The following SEMA5A variants were observed in gnomAD, a reference collection of about 807,000 sequenced individuals.
SEMA5A encodes the protein semaphorin-5A.
Under a neutral mutation model 135.5 loss-of-function variants are expected in SEMA5A, and 55 were observed. The ratio of observed to expected loss-of-function variants is 0.41; its 90% confidence interval spans 0.33 to 0.51. The LOEUF (loss-of-function observed/expected upper bound fraction) is 0.51, where lower values mean the gene tolerates loss of function less well. SEMA5A is among the 20% of genes least tolerant of loss of function. SEMA5A has a pLI of 0.37. For synonymous variants in SEMA5A, 580 were observed against 546.5 expected (o/e 1.06, Z -0.85); for missense variants, 1,290 against 1,419.9 (o/e 0.91, Z 1.47).
At chr5:9,478,221 G>T (rs1326826721) in intron 1 of SEMA5A, among the ~76,000 whole-genome samples, 1 of 152,244 alleles carries the variant, frequency 6.6e-6, no homozygotes, top group Non-Finnish European at 1.5e-5. Flanking sequence ...GAAACACCTG[G>T]ATGTCGAGGC....
chr5:9,066,500 C>A lies in SEMA5A; in HGVS notation c.2220G>T (p.Pro740=). ...RYTCKARLAD[P]NLLEVGRQRI... is the part of the protein sequence containing the mutation. ...TCTGTCTTCCCACTTCCAGCAAATTCGGATCAGCCAGGCGGGCTTTGCATG... is the reference window on the plus strand; with the variant it reads ...TCTGTCTTCCCACTTCCAGCAAATTAGGATCAGCCAGGCGGGCTTTGCATG... The change falls in exon 17 of 23, where the codon CCG becomes CCT. Residue 740 remains proline, a synonymous_variant. Transcript: ENST00000382496. The A allele has an allele frequency of 1.2e-6, 2 of 1,614,134 alleles. No homozygotes were observed.
intron 3 of SEMA5A, among the ~76,000 whole-genome samples, chr5:9,342,008 A>G (rs1753675320): frequency 6.6e-6 from 1 of 152,100 alleles, no homozygotes; most frequent in South Asian, 2.1e-4. Flanking sequence ...AGTCAGTATT[A>G]ATAATTTGGT....
At chr5:9,475,926 T>C (rs1335944775) in intron 1 of SEMA5A, among the ~76,000 whole-genome samples, 1 of 152,172 alleles carries the variant, frequency 6.6e-6, no homozygotes, top group Non-Finnish European at 1.5e-5. Context: ...TTCAACTCAT[T>C]TTACAGAGGT....
At chr5:9,459,334 G>A (rs593661) in intron 1 of SEMA5A, among the ~76,000 whole-genome samples, 4,644 of 152,206 alleles carry the variant, frequency 0.031, 213 homozygotes, top group African/African-American at 0.1. Context: ...GCATGATTAG[G>A]TCGTTATATT....
At chr5:9,376,563 C>T (rs576368943) in intron 3 of SEMA5A, among the ~76,000 whole-genome samples, 40 of 152,310 alleles carry the variant, frequency 2.6e-4, no homozygotes, top group East Asian at 1.9e-3. Flanking sequence ...CAGAATATTA[C>T]GCAATGGCCC....
intron 5 of SEMA5A, among the ~76,000 whole-genome samples, chr5:9,239,210 T>TTA (rs1397114577): frequency 2.6e-5 from 4 of 152,206 alleles, no homozygotes; most frequent in Non-Finnish European, 4.4e-5. Context: ...AAAACAATGC[T>TTA]ATAACTGTTT....
chr5:9,288,130 T>C (rs2150578311), intron 5 of SEMA5A, among the ~76,000 whole-genome samples: 1 of 152,380 alleles, frequency 6.6e-6, no homozygotes, highest in South Asian at 2.1e-4. Context: ...TGTTTTAGGA[T>C]ACTTTATGAA....
intron 1 of SEMA5A, among the ~76,000 whole-genome samples, chr5:9,504,659 C>G (rs1271824819): frequency 6.6e-6 from 1 of 152,154 alleles, no homozygotes; most frequent in East Asian, 1.9e-4. Context: ...AGCACAGAAC[C>G]CTTCCTAAAG....
At chr5:9,371,663 C>T (rs556704123) in intron 3 of SEMA5A, among the ~76,000 whole-genome samples, 2 of 152,184 alleles carry the variant, frequency 1.3e-5, no homozygotes, top group Admixed American at 1.3e-4. Context: ...AATATTTTGC[C>T]AATGTGATTT....
intron 11 of SEMA5A, among the ~76,000 whole-genome samples, chr5:9,175,219 C>T (rs183506525): frequency 1.3e-5 from 2 of 152,166 alleles, no homozygotes; most frequent in African/African-American, 4.8e-5. Context: ...TACTCCCAAG[C>T]AGTGGATACT....
intron 1 of SEMA5A, among the ~76,000 whole-genome samples, chr5:9,524,201 T>C (rs1307404326): frequency 6.6e-6 from 1 of 152,196 alleles, no homozygotes; most frequent in East Asian, 1.9e-4. Context: ...TCCTTCACCT[T>C]CTGCCATGAC....
chr5:9,305,114 T>C (rs945028286), intron 5 of SEMA5A, among the ~76,000 whole-genome samples: 5 of 152,066 alleles, frequency 3.3e-5, no homozygotes, highest in African/African-American at 1.2e-4. Flanking sequence ...CCAGGAATAT[T>C]TTTCTCCCTC....
At chr5:9,446,917 A>G (rs975697230) in intron 1 of SEMA5A, among the ~76,000 whole-genome samples, 4 of 152,246 alleles carry the variant, frequency 2.6e-5, no homozygotes, top group African/African-American at 9.6e-5. Context: ...TGCCGGCCAC[A>G]GATTAAACCA....
At chr5:9,527,501 G>C (rs764635954) in intron 1 of SEMA5A, among the ~76,000 whole-genome samples, 3 of 152,146 alleles carry the variant, frequency 2.0e-5, no homozygotes, top group African/African-American at 7.2e-5. Flanking sequence ...CTCGCTCTCT[G>C]TGTGGGTGTT....
Position 9,119,034 on chromosome 5 carries a change from C to G in SEMA5A, c.1889G>C (p.Gly630Ala), listed in dbSNP as rs1346938398. The G allele has an allele frequency of 6.2e-7, 1 of 1,613,520 alleles. No homozygotes were observed. Among genetic ancestry groups the G allele is most frequent in the East Asian group, 2.2e-5 (1 of 44,872 alleles). ...RSCSNPTPRH[G>A]GRVCVGQNRE... is the part of the protein sequence containing the mutation. Reference sequence around the variant, plus strand: ...GTTCTGTCCCACGCACACCCGGCCCCCGTGCCTGGGAGTGGGGTTGCTGCA... The same window carrying G: ...GTTCTGTCCCACGCACACCCGGCCCGCGTGCCTGGGAGTGGGGTTGCTGCA... Residue 630 changes from glycine (G) to alanine (A), a missense_variant, in exon 15 of 23, where the codon GGG becomes GCG. Transcript: ENST00000382496.
intron 1 of SEMA5A, among the ~76,000 whole-genome samples, chr5:9,492,529 G>A (rs1735073513): frequency 6.6e-6 from 1 of 152,096 alleles, no homozygotes; most frequent in African/African-American, 2.4e-5. Flanking sequence ...ATTGATCCTG[G>A]ACACCAGACA....
At chr5:9,380,586 T>C (rs1755554724) in intron 2 of SEMA5A, among the ~76,000 whole-genome samples, 1 of 152,202 alleles carries the variant, frequency 6.6e-6, no homozygotes, top group African/African-American at 2.4e-5. Flanking sequence ...CCTTTTAAAA[T>C]TGTAGATAAT....
chr5:9,110,247 ATAACTCCAT>A (rs2150159452), intron 15 of SEMA5A, among the ~76,000 whole-genome samples: 1 of 152,296 alleles, frequency 6.6e-6, no homozygotes, highest in East Asian at 1.9e-4. Flanking sequence ...CAGAGACAAA[ATAACTCCAT>A]GAGAGTTAGA....
At chr5:9,517,616 T>A (rs1390509466) in intron 1 of SEMA5A, 1 of 152,258 alleles carries the variant, frequency 6.6e-6, no homozygotes, top group Non-Finnish European at 1.5e-5. Flanking sequence ...TTATAATTAA[T>A]GAAGCTAGTG....
Sources: gnomAD v4.1 joint callset for allele counts (sites outside exome capture counted in the v4.1 genomes callset) on GRCh38, gnomAD v4.1.1 for gene constraint, MANE v1.5 for transcripts, NCBI Gene and HGNC (gene_info 2026-07-23, HGNC 2026-07-21) for gene names.